The following PIEZO1 variants were observed in gnomAD, a reference collection of about 807,000 sequenced individuals.
PIEZO1 encodes the protein piezo type mechanosensitive ion channel component 1 (Er blood group), also known as piezo-type mechanosensitive ion channel component 1.
Under a neutral mutation model 297.2 loss-of-function variants are expected in PIEZO1, and 296 were observed. The ratio of observed to expected loss-of-function variants is 1.00; its 90% CI spans 0.91 to 1.10. The LOEUF (loss-of-function observed/expected upper bound fraction) is 1.10, where lower values mean the gene tolerates loss of function less well. PIEZO1 is among the 50% of genes least tolerant of loss of function. The pLI is 0.00. For synonymous variants in PIEZO1, 2,427 were observed against 1,507.5 expected (o/e 1.61, Z -14.13); for missense variants, 5,018 against 3,455.5 (o/e 1.45, Z -11.34).
chr16:88,733,039 GC>G lies in PIEZO1; in HGVS notation c.2664+238del, dbSNP rs1279154101. On this transcript the variant is annotated intron_variant, in intron 19 of 50. Coordinates refer to ENST00000301015, the MANE Select transcript of PIEZO1 (RefSeq NM_001142864.4). ...GGGGTGGGGCCCTCCCGTCCTCACT[GC>G]CGGAGACCCTGGGACTCCGCCCCTA... is the stretch of plus-strand genomic sequence containing the variant. 5.1e-6 allele frequency: 3 copies of G among 584,582 alleles called. No homozygotes were observed. In the African/African-American group the frequency reaches 5.6e-5, roughly 11 times the overall value. The allele number at this position is 584,582 out of a possible 1,614,324, so 36.2% of individuals were successfully genotyped here.
At chr16:88,760,888 A>G (rs1289986324) in intron 1 of PIEZO1, among the ~76,000 whole-genome samples, 1 of 152,240 alleles carries the variant, frequency 6.6e-6, no homozygotes, top group African/African-American at 2.4e-5. Flanking sequence ...TAATTAGCTC[A>G]GTGTCCAGGA....
chr16:88,764,738 T>G (rs1597482286), intron 1 of PIEZO1, among the ~76,000 whole-genome samples: 5 of 126,508 alleles, frequency 4.0e-5, no homozygotes, highest in East Asian at 4.5e-4. Context: ...GCGACAAGAG[T>G]GAAACTCCGT....
chr16:88,719,770 C>A, intron 43 of PIEZO1, 32 bp downstream of exon 43: 3 of 1,550,292 alleles, frequency 1.9e-6, no homozygotes, highest in African/African-American at 1.4e-5. Context: ...ATGCCCGGGC[C>A]GTGACCCCCA....
intron 27 of PIEZO1, 45 bp downstream of exon 27, chr16:88,726,239 A>C: frequency 1.3e-6 from 2 of 1,493,698 alleles, no homozygotes; most frequent in Non-Finnish European, 1.8e-6. Flanking sequence ...GCCCCCTCCC[A>C]GCCCCAAGAC....
At position 88,723,819 on chromosome 16, in the gene PIEZO1, G is replaced by C. The variant is rs114404799; in HGVS notation, c.4335+52C>G. On this transcript the variant is annotated intron_variant, in intron 31 of 50. Coordinates refer to ENST00000301015, the MANE Select transcript of PIEZO1 (RefSeq NM_001142864.4). ...ACACCCTCTATGCTGCCCTGGTCCA[G>C]GACCACAAGCTCTGTGGTTGGAGTG... 1.6e-3 allele frequency: 1,560 copies of C among 981,490 alleles called. 22 individuals are homozygous for C. The African/African-American group carries it at 0.023, about 14-fold the overall frequency. The allele number at this position is 981,490 out of a possible 1,614,324, so 60.8% of individuals were successfully genotyped here.
Position 88,774,867 on chromosome 16 carries a change from C to G in PIEZO1, c.64+10034G>C, listed in dbSNP as rs558070051. Among the ~76,000 whole-genome samples, 3 of 152,326 alleles carry G rather than the reference C, an allele frequency of 2.0e-5. No homozygotes were observed. In the South Asian group the frequency reaches 6.2e-4, roughly 32 times the overall value. ...CACAGCCTCCTGGGCGCTGAAACCACCCAGGCATTCAGAGATGGTAATACC... is the reference window on the plus strand; with the variant it reads ...CACAGCCTCCTGGGCGCTGAAACCAGCCAGGCATTCAGAGATGGTAATACC... On this transcript the variant is annotated intron_variant, in intron 1 of 50. Transcript: ENST00000301015.
rs768312615 is a variant in PIEZO1 at position 88,719,602 on chromosome 16, A to G, written c.6443T>C (p.Ile2148Thr). 5.0e-5 allele frequency: 77 copies of G among 1,551,348 alleles called. No homozygotes were observed. The highest frequency in any genetic ancestry group is 1.7e-4 in the Middle Eastern group (1 of 6,014). Residue 2148 changes from isoleucine (I) to threonine (T), a missense_variant, in exon 44 of 51, where the codon ATC (isoleucine) becomes ACC (threonine). By Grantham distance (89) the Ile-to-Thr change is moderately conservative. Coordinates refer to ENST00000301015, the MANE Select transcript of PIEZO1 (RefSeq NM_001142864.4). The stretch of plus-strand genomic sequence containing the variant: ...CTCTGTCTCTCGGCTGCATTTGATG[A>G]TGAAGATGTTGGCATAGATGTCCTC... ...CVEDIYANIF[I>T]IKCSRETEKK...
At chr16:88,779,060 G>A (rs1036324055) in intron 1 of PIEZO1, among the ~76,000 whole-genome samples, 1 of 150,184 alleles carries the variant, frequency 6.7e-6, no homozygotes, top group African/African-American at 2.5e-5. Context: ...TTTTGAGAGG[G>A]AGTCTTGCTG....
intron 30 of PIEZO1, among the ~76,000 whole-genome samples, chr16:88,724,226 G>C (rs1904308965): frequency 6.6e-6 from 1 of 152,240 alleles, no homozygotes; most frequent in South Asian, 2.1e-4. Context: ...AGGAGGCTGT[G>C]TGAGAGTTAG....
At chr16:88,756,373 C>T (rs1479648209) in intron 1 of PIEZO1, among the ~76,000 whole-genome samples, 2 of 152,116 alleles carry the variant, frequency 1.3e-5, no homozygotes, top group Admixed American at 6.6e-5. Context: ...CCGCACTGGC[C>T]ACTGATGGGG....
chr16:88,719,707 G>A lies in PIEZO1; in HGVS notation c.6338C>T (p.Pro2113Leu), dbSNP rs1221781628. 7.7e-6 allele frequency: 12 copies of A among 1,551,330 alleles called. No individual in the cohort carries two copies. Among genetic ancestry groups the A allele is most frequent in the East Asian group, 2.4e-5 (1 of 40,960 alleles). The stretch of plus-strand genomic sequence containing the variant: ...CACTGCCCGCAGCTCCACCAGGAAC[G>A]GCACCAGCCGGAACCTGCCCACAGC... Reference protein sequence around the residue: ...LFLFQGFRLVPFLVELRAVMD... With the variant: ...LFLFQGFRLVLFLVELRAVMD... Residue 2113 changes from proline to leucine, a missense_variant, in exon 44 of 51, where the codon CCG (proline) becomes CTG (leucine). Pro to Leu is a moderately conservative substitution (Grantham distance 98). Transcript: ENST00000301015.
intron 44 of PIEZO1, 199 bp downstream of exon 44, chr16:88,719,375 T>G (rs1912264776): frequency 1.7e-6 from 1 of 589,580 alleles, no homozygotes; most frequent in Non-Finnish European, 3.0e-6. Context: ...TGCCCACTTC[T>G]GCGCCCAGCA....
At chr16:88,722,446 C>G (rs766009427) in intron 35 of PIEZO1, 49 bp from the exon 36 acceptor site, 32 of 1,463,622 alleles carry the variant, frequency 2.2e-5, no homozygotes, top group African/African-American at 2.8e-5. Context: ...TGGCCTGACC[C>G]CAGGCTACAG....
chr16:88,724,329 G>C (rs887018909), intron 30 of PIEZO1, among the ~76,000 whole-genome samples: 2 of 152,198 alleles, frequency 1.3e-5, no homozygotes, highest in African/African-American at 2.4e-5. Context: ...TCAGAGGTTC[G>C]AGACCAGCCT....
intron 12 of PIEZO1, among the ~76,000 whole-genome samples, chr16:88,735,593 G>A (rs1220635447): frequency 1.3e-5 from 2 of 152,260 alleles, no homozygotes; most frequent in Middle Eastern, 3.2e-3. Flanking sequence ...GCTCACATAT[G>A]CACACAAGCT....
Position 88,719,952 on chromosome 16 carries a change from T to A in PIEZO1, c.6173A>T (p.Asn2058Ile). ...CCAGAGCTGGGCCACCACATTCTGGTTGAACATCCTGGGGCGGGATGGCCA... is the reference window on the plus strand; with the variant it reads ...CCAGAGCTGGGCCACCACATTCTGGATGAACATCCTGGGGCGGGATGGCCA... ...ILPAVTERMF[N>I]QNVVAQLWYF... Residue 2058 changes from asparagine (N) to isoleucine (I), a missense_variant, in exon 43 of 51, where the codon AAC becomes ATC. Physicochemically the swap from Asn to Ile is moderately radical, Grantham distance 149 (BLOSUM62 -3). Coordinates refer to ENST00000301015, the MANE Select transcript of PIEZO1 (RefSeq NM_001142864.4). The A allele has an allele frequency of 6.5e-7, 1 of 1,550,200 alleles. No individual in the cohort carries two copies. Among genetic ancestry groups the A allele is most frequent in the South Asian group, 1.2e-5 (1 of 84,062 alleles).
Position 88,716,854 on chromosome 16 carries a change from G to T in PIEZO1, c.6705C>A (p.Phe2235Leu). Residue 2235 changes from phenylalanine to leucine, a missense_variant, in exon 46 of 51, where the codon TTC (phenylalanine) becomes TTA (leucine). By Grantham distance (22) the Phe-to-Leu change is conservative. Transcript: ENST00000301015. ...ACAGCTCCTCATAGGCCTGGGCCGT[G>T]AAGGGGATGATGGACGGCTGCTGGG... Reference protein sequence around the residue: ...MSAQQPSIIPFTAQAYEELSR... With the variant: ...MSAQQPSIIPLTAQAYEELSR... 6.5e-7 allele frequency: 1 copy of T among 1,550,160 alleles called. No individual in the cohort carries two copies.
intron 2 of PIEZO1, among the ~76,000 whole-genome samples, 163 bp downstream of exon 2, chr16:88,749,220 AC>A (rs1298704649): frequency 6.6e-6 from 1 of 151,782 alleles, no homozygotes; most frequent in African/African-American, 2.4e-5. Context: ...AGCCTGGGCG[AC>A]TGAGCGAGAC....
chr16:88,721,897 C>G lies in PIEZO1; in HGVS notation c.5125G>C (p.Val1709Leu). Reference sequence around the variant, plus strand: ...CACAGGAAGACGAGCACGGGCAGCACCAGCGAGCCGGCGGAGGCCGTGACC... The same window carrying G: ...CACAGGAAGACGAGCACGGGCAGCAGCAGCGAGCCGGCGGAGGCCGTGACC... ...HMVTASAGSLVLPVLVFLWAM... is the reference protein window; with the variant it reads ...HMVTASAGSLLLPVLVFLWAM... Residue 1709 changes from valine to leucine, a missense_variant, in exon 37 of 51, where the codon GTG becomes CTG. Physicochemically the swap from Val to Leu is conservative, Grantham distance 32 (BLOSUM62 1). Transcript: ENST00000301015. 6.5e-7 allele frequency: 1 copy of G among 1,550,086 alleles called. No individual in the cohort carries two copies.
Sources: gnomAD v4.1 joint callset for allele counts (sites outside exome capture counted in the v4.1 genomes callset) on GRCh38, gnomAD v4.1.1 for gene constraint, MANE v1.5 for transcripts, NCBI Gene and HGNC (gene_info 2026-07-23, HGNC 2026-07-21) for gene names.